PSME4: variants seen among roughly 807,000 people sequenced by gnomAD.
PSME4 encodes proteasome activator subunit 4.
Under a neutral mutation model 253.9 loss-of-function variants are expected in PSME4, and 89 were observed. That is an observed-to-expected ratio of 0.35 (90% CI 0.30 to 0.42). The LOEUF (loss-of-function observed/expected upper bound fraction) is 0.42, where lower values mean the gene tolerates loss of function less well. Among genes scored for constraint, PSME4 ranks in the 10% least tolerant of loss-of-function variants. PSME4 has a pLI of 1.00. For synonymous variants in PSME4, 851 were observed against 759.2 expected (o/e 1.12, Z -1.99); for missense variants, 2,014 against 2,195.2 (o/e 0.92, Z 1.65).
chr2:53,965,891 C>G (rs1421630972), intron 1 of PSME4, among the ~76,000 whole-genome samples: 7 of 151,682 alleles, frequency 4.6e-5, no homozygotes, highest in African/African-American at 1.7e-4. Context: ...TGAGGCTGGT[C>G]TCGAACTCCT....
At chr2:53,923,867 G>A (rs805313) in intron 14 of PSME4, among the ~76,000 whole-genome samples, 42,184 of 141,770 alleles carry the variant, frequency 0.3, 6,510 homozygotes, top group South Asian at 0.49. Context: ...AGGTTGCAGT[G>A]AGCCGAGATC....
At chr2:53,885,880 C>G (rs1679611457) in intron 40 of PSME4, 105 bp from the exon 41 acceptor site, 7 of 679,712 alleles carry the variant, frequency 1.0e-5, no homozygotes, top group Non-Finnish European at 1.8e-5. Flanking sequence ...TCTGACAGCT[C>G]TTCGGTGCTA....
intron 40 of PSME4, among the ~76,000 whole-genome samples, chr2:53,886,267 G>A (rs184004690): frequency 1.3e-5 from 2 of 152,226 alleles, no homozygotes; most frequent in Non-Finnish European, 2.9e-5. Context: ...AAATTAGCTG[G>A]GTGTGGTGTT....
chr2:53,884,276 T>C (rs2104420946), intron 41 of PSME4, among the ~76,000 whole-genome samples: 1 of 152,278 alleles, frequency 6.6e-6, no homozygotes, highest in Non-Finnish European at 1.5e-5. Context: ...AGTAGCACGA[T>C]CTCAGCTCAC....
At chr2:53,966,113 C>T (rs187340187) in intron 1 of PSME4, among the ~76,000 whole-genome samples, 3 of 151,846 alleles carry the variant, frequency 2.0e-5, no homozygotes, top group South Asian at 2.1e-4. Context: ...GGCAAAACCC[C>T]CTCTCTAATA....
intron 27 of PSME4, 68 bp from the exon 28 acceptor site, chr2:53,901,627 C>A: frequency 7.6e-7 from 1 of 1,315,362 alleles, no homozygotes; most frequent in Non-Finnish European, 1.1e-6. Context: ...GTAGCCAATG[C>A]ACCTATGTAT....
chr2:53,912,999 T>A (rs1211655676), intron 20 of PSME4, among the ~76,000 whole-genome samples: 1 of 152,312 alleles, frequency 6.6e-6, no homozygotes, highest in East Asian at 1.9e-4. Flanking sequence ...TAACAATATG[T>A]AAGTCAAATC....
intron 34 of PSME4, among the ~76,000 whole-genome samples, chr2:53,894,560 T>C (rs1269028771): frequency 6.6e-6 from 1 of 152,218 alleles, no homozygotes; most frequent in Non-Finnish European, 1.5e-5. Flanking sequence ...GCATGTGCCA[T>C]GGCTCCCAGC....
At chr2:53,869,652 T>C (rs1214767370) in intron 43 of PSME4, 114 bp from the exon 44 acceptor site, 2 of 784,612 alleles carry the variant, frequency 2.5e-6, no homozygotes, top group South Asian at 3.9e-5. Context: ...TGCATGCAAA[T>C]TTTGTGTATG....
In PSME4 at chr2:53,920,230, G is replaced by C. The variant is rs1668235315; in HGVS notation, c.2383C>G (p.Leu795Val). ...AGTTTTCCATCCCCACAATGCTGGA[G>C]TTTGACGAGCTCAGGCTGAAGAAAG... ...DSFLQPELVK[L>V]QHCGDGKLEM... The change falls in exon 19 of 47, where the codon CTC (leucine) becomes GTC (valine). Residue 795 changes from leucine to valine, a missense_variant. Transcript: ENST00000404125. 3.7e-6 allele frequency: 6 copies of C among 1,613,384 alleles called. No homozygotes were observed. The highest frequency in any genetic ancestry group is 5.1e-6 in the Non-Finnish European group (6 of 1,179,580).
intron 18 of PSME4, 67 bp downstream of exon 18, chr2:53,920,822 A>G: frequency 7.7e-7 from 1 of 1,302,294 alleles, no homozygotes; most frequent in Non-Finnish European, 1.1e-6. Context: ...AGAAAAAATA[A>G]CACTTTGAAT....
intron 3 of PSME4, among the ~76,000 whole-genome samples, chr2:53,941,231 T>G (rs1354515180): frequency 1.4e-5 from 2 of 144,608 alleles, no homozygotes; most frequent in Non-Finnish European, 3.0e-5. Context: ...CCTCTTTAAT[T>G]TCAAAACTAC....
At chr2:53,902,508 C>G (rs1047910070) in intron 27 of PSME4, among the ~76,000 whole-genome samples, 4 of 152,190 alleles carry the variant, frequency 2.6e-5, no homozygotes, top group African/African-American at 9.7e-5. Flanking sequence ...TACAGGTTCT[C>G]TATAAGGTCA....
rs1247637063 is a variant in PSME4, at chr2:53,970,873, T to C, written c.-89A>G. ...GGGCTCCGCCTCCTCCGCGTCTTCG[T>C]CGCCCTGCGGCCGCTGGCGGCCCGT... On this transcript the variant is annotated 5_prime_UTR_variant, in exon 1 of 47. Transcript: ENST00000404125. 8.4e-7 allele frequency: 1 copy of C among 1,191,076 alleles called. No homozygotes were observed. Among genetic ancestry groups the C allele is most frequent in the African/African-American group, 1.7e-5 (1 of 60,478 alleles). 73.8% of individuals were successfully genotyped at this position (1,191,076 alleles called of 1,614,324 possible).
At chr2:53,941,939 C>A (rs1244411550) in intron 3 of PSME4, among the ~76,000 whole-genome samples, 1 of 152,096 alleles carries the variant, frequency 6.6e-6, no homozygotes, top group Non-Finnish European at 1.5e-5. Flanking sequence ...TCATAAAAGG[C>A]TGCAAAGCTA....
intron 1 of PSME4, among the ~76,000 whole-genome samples, chr2:53,961,263 T>A (rs1670484879): frequency 6.6e-6 from 1 of 152,234 alleles, no homozygotes; most frequent in South Asian, 2.1e-4. Flanking sequence ...GTTGTTTGCT[T>A]ACCGTTTTTA....
At chr2:53,962,970 A>G (rs1053892484) in intron 1 of PSME4, among the ~76,000 whole-genome samples, 3 of 151,026 alleles carry the variant, frequency 2.0e-5, no homozygotes, top group African/African-American at 7.3e-5. Flanking sequence ...AGATCGCGCC[A>G]CTGCACTCCA....
intron 37 of PSME4, among the ~76,000 whole-genome samples, chr2:53,889,053 CAG>C (rs1225332258): frequency 6.6e-6 from 1 of 152,058 alleles, no homozygotes; most frequent in African/African-American, 2.4e-5. Flanking sequence ...TTTGTAGAGA[CAG>C]AGTCTCCCTA....
Position 53,923,405 on chromosome 2 carries a change from C to G in PSME4, c.1824G>C (p.Lys608Asn). The G allele has an allele frequency of 3.1e-6, 5 of 1,605,178 alleles. No homozygotes were observed. The highest frequency in any genetic ancestry group is 3.4e-6 in the Non-Finnish European group (4 of 1,177,176). ...SKEIFMVALQ[K>N]VFNFSTSHIF... is the part of the protein sequence containing the mutation. Reference sequence around the variant, plus strand: ...TATGTGAAGTAGAAAAATTAAAAACCTTCTGAAGGGCCACCTGTTAAGATA... The same window carrying G: ...TATGTGAAGTAGAAAAATTAAAAACGTTCTGAAGGGCCACCTGTTAAGATA... Residue 608 changes from lysine to asparagine, a missense_variant, in exon 15 of 47, where the codon AAG (lysine) becomes AAC (asparagine). Physicochemically the swap from Lys to Asn is moderately conservative, Grantham distance 94. Around this residue, in one of 4 missense-constraint regions of PSME4, gnomAD observed 989 missense variants for 1,021.1 expected, o/e 0.97. Transcript: ENST00000404125.
Sources: allele counts gnomAD v4.1 joint callset (sites outside exome capture counted in the v4.1 genomes callset), GRCh38; gene constraint gnomAD v4.1.1; regional missense constraint gnomAD v4.1.1; transcripts MANE v1.5; gene names NCBI Gene and HGNC (gene_info 2026-07-23, HGNC 2026-07-21).